Variants in FRMD4A observed in about 807,000 individuals in gnomAD.
FRMD4A encodes FERM domain-containing protein 4A.
Under a neutral mutation model 129.1 loss-of-function variants are expected in FRMD4A, and 29 were observed. That is an observed-to-expected ratio of 0.22 (90% CI 0.17 to 0.31). The LOEUF (loss-of-function observed/expected upper bound fraction) is 0.31. Ranked by LOEUF, FRMD4A falls within the 10% of genes least tolerant of loss-of-function variation. FRMD4A has a pLI of 1.00. For synonymous variants in FRMD4A, 634 were observed against 571.6 expected, an observed-to-expected ratio of 1.11 and a Z score of -1.56; for missense variants, 1,272 against 1,375.8, an observed-to-expected ratio of 0.92 and a Z score of 1.19.
chr10:13,962,060 AAT>A (rs1290842736), intron 2 of FRMD4A, among the ~76,000 whole-genome samples: 5 of 152,216 alleles, frequency 3.3e-5, no homozygotes, highest in African/African-American at 1.2e-4. Flanking sequence ...TGAATGAATG[AAT>A]GAATGAATGA....
chr10:14,036,271 G>A (rs1275392762), intron 2 of FRMD4A, among the ~76,000 whole-genome samples: 2 of 152,172 alleles, frequency 1.3e-5, no homozygotes, highest in Non-Finnish European at 2.9e-5. Flanking sequence ...TGGCAAGACT[G>A]AGAAAAGATG....
intron 2 of FRMD4A, among the ~76,000 whole-genome samples, chr10:13,918,977 G>A (rs2095040328): frequency 1.3e-5 from 2 of 152,060 alleles, no homozygotes; most frequent in Non-Finnish European, 2.9e-5. Context: ...TGATTTACAG[G>A]CATCTGTGGT....
At chr10:13,746,395 A>G (rs763779035) in intron 9 of FRMD4A, among the ~76,000 whole-genome samples, 84 of 151,918 alleles carry the variant, frequency 5.5e-4, no homozygotes, top group Non-Finnish European at 1.1e-3. Context: ...TTGTATTTTT[A>G]GTAGAGACGG....
rs59818032 is a variant in FRMD4A at position 13,679,474 on chromosome 10, T to TACAC, written c.1118-4434_1118-4431dup. ...AAAAAAAAAAAAATATATATATATA[T>TACAC]ACACACACACACACACACACACACA... On this transcript the variant is annotated intron_variant, in intron 15 of 24. Coordinates refer to ENST00000357447, the MANE Select transcript of FRMD4A (RefSeq NM_018027.5). 1.9e-3 allele frequency among the ~76,000 whole-genome samples: 59 copies of TACAC among 31,488 alleles called. 6 individuals are homozygous for TACAC. Among genetic ancestry groups the TACAC allele is most frequent in the East Asian group, 9.3e-3 (3 of 322 alleles). 20.7% of individuals were successfully genotyped at this position (31,488 alleles called of 152,430 possible). A position where few individuals can be genotyped will look rare whatever the true frequency, so the allele number is the denominator to read the frequency against.
chr10:14,230,754 A>G (rs1843611729), intron 2 of FRMD4A, among the ~76,000 whole-genome samples: 1 of 152,178 alleles, frequency 6.6e-6, no homozygotes, highest in African/African-American at 2.4e-5. Flanking sequence ...AGTATCCGAT[A>G]GGTAGCTTTT....
At chr10:13,919,193 G>C (rs948144351) in intron 2 of FRMD4A, among the ~76,000 whole-genome samples, 6 of 152,322 alleles carry the variant, frequency 3.9e-5, no homozygotes, top group African/African-American at 1.4e-4. Context: ...AGCAGAAAAG[G>C]TTAAAAAGAA....
intron 2 of FRMD4A, among the ~76,000 whole-genome samples, chr10:14,122,786 T>A (rs1375922825): frequency 6.6e-6 from 1 of 152,048 alleles, no homozygotes; most frequent in Admixed American, 6.6e-5. Flanking sequence ...AGGATTTGGG[T>A]GGGGACACAG....
intron 2 of FRMD4A, among the ~76,000 whole-genome samples, chr10:14,166,300 C>T (rs1841173545): frequency 1.3e-5 from 2 of 151,438 alleles, no homozygotes; most frequent in South Asian, 4.2e-4. Flanking sequence ...TAATATATTA[C>T]TATTGTTCAT....
intron 2 of FRMD4A, among the ~76,000 whole-genome samples, chr10:14,191,821 CT>C (rs1842328493): frequency 1.3e-5 from 2 of 148,972 alleles, no homozygotes; most frequent in Non-Finnish European, 3.0e-5. Context: ...CTCTCTCTCT[CT>C]CTCCTGGCAA....
intron 2 of FRMD4A, among the ~76,000 whole-genome samples, chr10:14,221,159 G>A (rs140632073): frequency 1.3e-5 from 2 of 152,260 alleles, no homozygotes; most frequent in Non-Finnish European, 2.9e-5. Context: ...CTCCTTGATG[G>A]GGCAAAGCAG....
At chr10:14,085,504 A>C (rs1344261751) in intron 2 of FRMD4A, among the ~76,000 whole-genome samples, 1 of 152,164 alleles carries the variant, frequency 6.6e-6, no homozygotes, top group African/African-American at 2.4e-5. Flanking sequence ...GACACTTTGC[A>C]GGGAGGACGC....
intron 21 of FRMD4A, 152 bp from the exon 22 acceptor site, chr10:13,657,674 G>T: frequency 1.7e-6 from 2 of 1,153,896 alleles, no homozygotes; most frequent in Non-Finnish European, 2.3e-6. Context: ...CAGCAGGGCT[G>T]CCCCAGGGAT....
chr10:13,956,173 G>A, intron 2 of FRMD4A, among the ~76,000 whole-genome samples: 1 of 151,596 alleles, frequency 6.6e-6, no homozygotes, highest in African/African-American at 2.4e-5. Flanking sequence ...TGTTTTTTTA[G>A]ACAGAGTCTC....
intron 2 of FRMD4A, among the ~76,000 whole-genome samples, chr10:14,312,264 A>G (rs933200873): frequency 6.6e-6 from 1 of 152,214 alleles, no homozygotes; most frequent in Non-Finnish European, 1.5e-5. Context: ...GTAGACATTT[A>G]ATGCTGTAAT....
At chr10:14,283,691 T>C (rs1362065191) in intron 2 of FRMD4A, among the ~76,000 whole-genome samples, 1 of 152,228 alleles carries the variant, frequency 6.6e-6, no homozygotes, top group Non-Finnish European at 1.5e-5. Flanking sequence ...CTTCACTTGT[T>C]TGTTTATAAT....
At chr10:14,182,609 C>A (rs960581273) in intron 2 of FRMD4A, among the ~76,000 whole-genome samples, 2 of 152,028 alleles carry the variant, frequency 1.3e-5, no homozygotes, top group East Asian at 3.9e-4. Flanking sequence ...GTGAAAGAGA[C>A]CCCCATCATC....
intron 2 of FRMD4A, among the ~76,000 whole-genome samples, chr10:14,202,763 C>G (rs1340681712): frequency 6.6e-6 from 1 of 151,996 alleles, no homozygotes; most frequent in African/African-American, 2.4e-5. Context: ...TCTCTCTTTG[C>G]AGTGGCTGCT....
intron 4 of FRMD4A, among the ~76,000 whole-genome samples, chr10:13,807,199 C>A (rs562159778): frequency 6.6e-6 from 1 of 152,270 alleles, no homozygotes; most frequent in Non-Finnish European, 1.5e-5. Context: ...GCATGTATCA[C>A]CACGATTCAG....
chr10:13,973,416 C>A (rs1019366111), intron 2 of FRMD4A, among the ~76,000 whole-genome samples: 4 of 152,204 alleles, frequency 2.6e-5, no homozygotes, highest in Middle Eastern at 3.4e-3. Context: ...AAGCTCCTGG[C>A]CTCCTGTGAT....
Sources: gnomAD v4.1 joint callset for allele counts (sites outside exome capture counted in the v4.1 genomes callset) on GRCh38, gnomAD v4.1.1 for gene constraint, MANE v1.5 for transcripts, NCBI Gene and HGNC (gene_info 2026-07-23, HGNC 2026-07-21) for gene names.